The following MAST4 variants were observed in gnomAD, a reference collection of about 807,000 sequenced individuals.
MAST4 encodes microtubule-associated serine/threonine-protein kinase 4.
MAST4 carries 89 observed loss-of-function variants against 162.7 expected under a neutral mutation model. The observed-to-expected ratio is 0.55, with a 90% confidence interval of 0.46 to 0.65. The LOEUF is 0.65. Ranked by LOEUF, MAST4 falls within the 30% of genes least tolerant of loss-of-function variation. The pLI is 0.00. For synonymous variants in MAST4, 1,479 were observed against 1,361.1 expected (o/e 1.09, Z -1.91); for missense variants, 3,153 against 3,374.0 (o/e 0.93, Z 1.62).
At chr5:66,812,617 TG>T (rs1201198907) in intron 3 of MAST4, among the ~76,000 whole-genome samples, 1 of 152,126 alleles carries the variant, frequency 6.6e-6, no homozygotes, top group Admixed American at 6.5e-5. Context: ...TCGTGTGAAG[TG>T]GGTCAGACGG....
At chr5:66,711,785 A>T (rs761688950) in intron 1 of MAST4, among the ~76,000 whole-genome samples, 1 of 152,168 alleles carries the variant, frequency 6.6e-6, no homozygotes, top group South Asian at 2.1e-4. Flanking sequence ...CAGTGTGCCG[A>T]GATCATGCCA....
Position 66,963,295 on chromosome 5 carries a change from A to G in MAST4, c.674+63313A>G, listed in dbSNP as rs112797303. 4.7e-3 allele frequency among the ~76,000 whole-genome samples: 714 copies of G among 152,330 alleles called. 2 individuals carry two copies. The highest frequency in any genetic ancestry group is 0.016 in the African/African-American group (650 of 41,568). ...AAAGTGCTTAAAAACGCATCTTCCT[A>G]TGGGGAAATGTTAGTTGCTTTGCTT... On this transcript the variant is annotated intron_variant, in intron 4 of 28. Coordinates refer to ENST00000403625, the MANE Select transcript of MAST4 (RefSeq NM_001164664.2).
At chr5:67,118,549 T>C in intron 12 of MAST4, 133 bp from the exon 13 acceptor site, 1 of 606,540 alleles carries the variant, frequency 1.6e-6, no homozygotes, top group Non-Finnish European at 2.9e-6. Context: ...ATTTAAGATT[T>C]TCCCATGGGC....
chr5:67,000,792 G>C (rs1751207906), intron 4 of MAST4, among the ~76,000 whole-genome samples: 1 of 151,880 alleles, frequency 6.6e-6, no homozygotes, highest in African/African-American at 2.4e-5. Flanking sequence ...GTGGGCAGTA[G>C]ACAGAATTCA....
At chr5:67,016,130 C>T (rs1753261739) in intron 4 of MAST4, among the ~76,000 whole-genome samples, 1 of 151,940 alleles carries the variant, frequency 6.6e-6, no homozygotes, top group Non-Finnish European at 1.5e-5. Context: ...GGTAGATCTG[C>T]CAACATCAGC....
At chr5:66,623,406 A>G (rs1744203003) in intron 1 of MAST4, among the ~76,000 whole-genome samples, 1 of 152,224 alleles carries the variant, frequency 6.6e-6, no homozygotes, top group Non-Finnish European at 1.5e-5. Context: ...AGTACTAGCA[A>G]ATATCATTCA....
intron 2 of MAST4, among the ~76,000 whole-genome samples, chr5:66,779,277 C>T (rs1001730968): frequency 1.3e-5 from 2 of 152,166 alleles, no homozygotes; most frequent in Non-Finnish European, 2.9e-5. Context: ...TGCTCTTGGT[C>T]CAGCTTTCAG....
chr5:67,022,252 A>C (rs1350327814), intron 4 of MAST4, among the ~76,000 whole-genome samples: 1 of 152,174 alleles, frequency 6.6e-6, no homozygotes, highest in Admixed American at 6.5e-5. Context: ...CCCAGAATAG[A>C]GATTTCTATG....
chr5:67,132,242 T>A (rs533433260), intron 16 of MAST4, among the ~76,000 whole-genome samples: 1 of 152,266 alleles, frequency 6.6e-6, no homozygotes, highest in East Asian at 1.9e-4. Context: ...GTTACATAGG[T>A]ATACACATGC....
At chr5:67,153,660 G>T (rs1772120616) in intron 26 of MAST4, 80 bp downstream of exon 26, 2 of 1,328,348 alleles carry the variant, frequency 1.5e-6, no homozygotes, top group Admixed American at 5.8e-5. Context: ...TGATTTCCCT[G>T]TGTCACACCC....
At chr5:66,616,707 A>G (rs936095133) in intron 1 of MAST4, among the ~76,000 whole-genome samples, 9 of 152,254 alleles carry the variant, frequency 5.9e-5, no homozygotes, top group Admixed American at 6.5e-5. Flanking sequence ...GTGAAGGAAC[A>G]GCCTAAGAGA....
At chr5:66,753,362 G>A (rs1306916777) in intron 1 of MAST4, among the ~76,000 whole-genome samples, 49 of 151,830 alleles carry the variant, frequency 3.2e-4, no homozygotes, top group African/African-American at 9.2e-4. Context: ...GAATCCAGGA[G>A]CTGGTTTTTT....
intron 4 of MAST4, among the ~76,000 whole-genome samples, chr5:66,996,893 C>T (rs1283886745): frequency 2.6e-5 from 4 of 152,166 alleles, no homozygotes; most frequent in African/African-American, 9.7e-5. Flanking sequence ...TCACAGGTTC[C>T]AGAGATTAGA....
chr5:66,963,057 G>A (rs1208487420), intron 4 of MAST4, among the ~76,000 whole-genome samples: 2 of 152,132 alleles, frequency 1.3e-5, no homozygotes, highest in African/African-American at 2.4e-5. Context: ...TTGGATGGGT[G>A]GGTGGGGAGT....
At chr5:67,021,436 T>C (rs1753968968) in intron 4 of MAST4, among the ~76,000 whole-genome samples, 1 of 152,142 alleles carries the variant, frequency 6.6e-6, no homozygotes, top group African/African-American at 2.4e-5. Context: ...CAAAAGCTTC[T>C]AAACACATTT....
chr5:66,598,458 A>G (rs747427896), intron 1 of MAST4, among the ~76,000 whole-genome samples: 2 of 152,222 alleles, frequency 1.3e-5, no homozygotes, highest in Non-Finnish European at 2.9e-5. Flanking sequence ...CATAGCTCCA[A>G]ATCGATCCTA....
chr5:66,775,738 G>A (rs1039840506), intron 2 of MAST4, among the ~76,000 whole-genome samples: 4 of 152,128 alleles, frequency 2.6e-5, no homozygotes, highest in African/African-American at 9.7e-5. Context: ...AGGGAGGAGG[G>A]AGAGCAGGTT....
chr5:66,968,816 G>A (rs1303250898), intron 4 of MAST4, among the ~76,000 whole-genome samples: 1 of 152,186 alleles, frequency 6.6e-6, no homozygotes, highest in Non-Finnish European at 1.5e-5. Context: ...CTAGGACAAA[G>A]TAGAAAGTCA....
intron 5 of MAST4, among the ~76,000 whole-genome samples, chr5:67,060,512 C>G (rs376993808): frequency 4.5e-5 from 6 of 134,704 alleles, no homozygotes; most frequent in African/African-American, 1.7e-4. Flanking sequence ...CAGTCTTGCT[C>G]TGTCGCCCAG....
Sources: allele counts gnomAD v4.1 joint callset (sites outside exome capture counted in the v4.1 genomes callset), GRCh38; gene constraint gnomAD v4.1.1; transcripts MANE v1.5; gene names NCBI Gene and HGNC (gene_info 2026-07-23, HGNC 2026-07-21).